CTNNA3: variants seen among roughly 807,000 people sequenced by gnomAD.
CTNNA3 encodes catenin alpha-3.
In CTNNA3, 76 loss-of-function variants were observed where a neutral mutation model predicts 95.7. The observed-to-expected ratio is 0.79, with a 90% CI of 0.66 to 0.96. The LOEUF is 0.96. Among genes scored for constraint, CTNNA3 ranks in the 40% least tolerant of loss-of-function variants. The pLI is 0.00. For missense variants in CTNNA3, 1,191 were observed against 1,089.8 expected (o/e 1.09, Z -1.31); for synonymous variants, 431 against 374.4 (o/e 1.15, Z -1.74).
intron 11 of CTNNA3, among the ~76,000 whole-genome samples, chr10:66,516,782 G>A (rs574447503): frequency 3.2e-4 from 48 of 152,228 alleles, no homozygotes; most frequent in Admixed American, 3.1e-3. Flanking sequence ...AAAATCATCT[G>A]GGAAAGACTT....
chr10:67,050,254 C>A (rs572924333), intron 7 of CTNNA3, among the ~76,000 whole-genome samples: 2 of 152,214 alleles, frequency 1.3e-5, no homozygotes, highest in Non-Finnish European at 2.9e-5. Context: ...ACACCACACA[C>A]AGTAACTGAT....
At chr10:67,480,689 G>A (rs1848184108) in intron 5 of CTNNA3, among the ~76,000 whole-genome samples, 1 of 152,200 alleles carries the variant, frequency 6.6e-6, no homozygotes, top group South Asian at 2.1e-4. Flanking sequence ...TAGAAACAAT[G>A]CTTATCACTG....
chr10:66,358,702 A>C (rs1253891455), intron 12 of CTNNA3, among the ~76,000 whole-genome samples: 1 of 152,190 alleles, frequency 6.6e-6, no homozygotes, highest in Admixed American at 6.5e-5. Context: ...CTTTGCAATC[A>C]AAAGAAGATT....
intron 12 of CTNNA3, among the ~76,000 whole-genome samples, chr10:66,325,258 G>T (rs374918382): frequency 3.3e-5 from 5 of 152,062 alleles, no homozygotes; most frequent in African/African-American, 1.2e-4. Flanking sequence ...TACATTAAAG[G>T]GTGAAAGAAA....
chr10:67,555,422 T>C lies in CTNNA3; in HGVS notation c.293-15753A>G, dbSNP rs1275017649. Among the ~76,000 whole-genome samples, 4 of 152,334 alleles carry C rather than the reference T, an allele frequency of 2.6e-5. 1 individual carries two copies. In the South Asian group the frequency reaches 6.2e-4, roughly 24 times the overall value. ...TCTTCCATTTGTTTGAGTCCTCTTT[T>C]ATTTCGTTGAGCAGTGGTTTGTAGT... is the stretch of plus-strand genomic sequence containing the variant. On this transcript the variant is annotated intron_variant, in intron 3 of 17. Transcript: ENST00000433211.
chr10:67,472,631 A>G (rs150906065), intron 5 of CTNNA3, among the ~76,000 whole-genome samples: 27 of 152,324 alleles, frequency 1.8e-4, no homozygotes, highest in African/African-American at 6.3e-4. Flanking sequence ...CTCATGCATA[A>G]TCCACCCCTT....
At chr10:66,923,992 A>G (rs907816393) in intron 7 of CTNNA3, among the ~76,000 whole-genome samples, 3 of 152,242 alleles carry the variant, frequency 2.0e-5, no homozygotes, top group Non-Finnish European at 4.4e-5. Flanking sequence ...TCTCAGTATT[A>G]TAAGTGTGCA....
intron 15 of CTNNA3, among the ~76,000 whole-genome samples, chr10:66,055,456 T>A (rs2080061708): frequency 6.6e-6 from 1 of 152,182 alleles, no homozygotes; most frequent in East Asian, 1.9e-4. Flanking sequence ...TTCCTGGGTA[T>A]TTTATTTTAT....
intron 7 of CTNNA3, among the ~76,000 whole-genome samples, chr10:67,113,773 A>C (rs1003724135): frequency 6.6e-6 from 1 of 152,224 alleles, no homozygotes; most frequent in African/African-American, 2.4e-5. Context: ...CTTATTATCT[A>C]CAAGGTGGAA....
Position 67,353,368 on chromosome 10 carries a change from C to T in CTNNA3, c.580-133498G>A, listed in dbSNP as rs570191813. Among the ~76,000 whole-genome samples, 3 of 152,092 alleles carry T rather than the reference C, an allele frequency of 2.0e-5. No homozygotes were observed. The East Asian group carries it at 5.8e-4, about 29-fold the overall frequency. On this transcript the variant is annotated intron_variant, in intron 5 of 17. Transcript: ENST00000433211. ...GGTATTCAACTTTACAGCTGGGCAA[C>T]AACCTCTGCATTATAGTAACTGCAA... is the stretch of plus-strand genomic sequence containing the variant.
intron 11 of CTNNA3, among the ~76,000 whole-genome samples, chr10:66,434,054 T>A (rs1334937061): frequency 1.3e-5 from 2 of 152,176 alleles, no homozygotes; most frequent in African/African-American, 2.4e-5. Flanking sequence ...AGCCTTGTAG[T>A]GTAGTTTGAA....
chr10:67,105,233 A>AAAG, intron 7 of CTNNA3, among the ~76,000 whole-genome samples: 1 of 148,764 alleles, frequency 6.7e-6, no homozygotes. Context: ...ATACATATTA[A>AAAG]ATGATAGATA....
chr10:66,543,907 G>GTA (rs1554815314), intron 10 of CTNNA3, among the ~76,000 whole-genome samples: 26 of 28,944 alleles, frequency 9.0e-4, no homozygotes, highest in African/African-American at 3.2e-3. Flanking sequence ...AGATGTGTGT[G>GTA]TGTGTATATA....
At chr10:66,171,945 C>T (rs1342248275) in intron 13 of CTNNA3, among the ~76,000 whole-genome samples, 2 of 152,150 alleles carry the variant, frequency 1.3e-5, no homozygotes, top group Non-Finnish European at 2.9e-5. Flanking sequence ...GTGTCAATAT[C>T]TATATCATCC....
At chr10:66,350,439 T>A (rs953230667) in intron 12 of CTNNA3, among the ~76,000 whole-genome samples, 7 of 151,874 alleles carry the variant, frequency 4.6e-5, no homozygotes, top group Non-Finnish European at 2.9e-5. Flanking sequence ...CTTTTCCCAA[T>A]CAAAAATAGA....
intron 7 of CTNNA3, among the ~76,000 whole-genome samples, chr10:66,921,953 G>A (rs1339209847): frequency 6.6e-6 from 1 of 152,028 alleles, no homozygotes; most frequent in African/African-American, 2.4e-5. Flanking sequence ...GTCAACAACT[G>A]TTAAGATATC....
intron 15 of CTNNA3, among the ~76,000 whole-genome samples, chr10:66,004,714 C>T (rs573343705): frequency 5.9e-5 from 9 of 152,280 alleles, no homozygotes; most frequent in Admixed American, 4.6e-4. Flanking sequence ...GCTCTTTCTT[C>T]CAATGGCAAT....
At chr10:67,443,170 C>T (rs973872831) in intron 5 of CTNNA3, among the ~76,000 whole-genome samples, 3 of 150,268 alleles carry the variant, frequency 2.0e-5, no homozygotes, top group African/African-American at 7.4e-5. Flanking sequence ...GTATATGTGC[C>T]ACATTTTCTT....
At chr10:67,703,606 G>A (rs1325938972) in intron 1 of CTNNA3, among the ~76,000 whole-genome samples, 4 of 152,136 alleles carry the variant, frequency 2.6e-5, no homozygotes, top group Non-Finnish European at 4.4e-5. Flanking sequence ...CAATAAATTA[G>A]GTATCGATGG....
Sources: gnomAD v4.1 joint callset for allele counts (sites outside exome capture counted in the v4.1 genomes callset) on GRCh38, gnomAD v4.1.1 for gene constraint, MANE v1.5 for transcripts, NCBI Gene and HGNC (gene_info 2026-07-23, HGNC 2026-07-21) for gene names.